Variants in ATXN7 observed in about 807,000 individuals in gnomAD.
ATXN7 encodes ataxin 7.
A neutral mutation model predicts 70.5 loss-of-function variants in ATXN7; 12 were observed. The ratio of observed to expected loss-of-function variants is 0.17; its 90% CI spans 0.11 to 0.28. ATXN7 has a LOEUF of 0.28. Among genes scored for constraint, ATXN7 ranks in the 10% least tolerant of loss-of-function variants. The pLI is 1.00. For synonymous variants in ATXN7, 498 were observed against 448.7 expected (o/e 1.11, Z -1.39); for missense variants, 1,256 against 1,131.7 (o/e 1.11, Z -1.58).
rs190777143 is a variant in ATXN7, at chr3:63,902,574, G to A, written c.-12+4077G>A. Among the ~76,000 whole-genome samples the A allele has an allele frequency of 3.3e-4, 50 of 152,226 alleles. 1 individual carries two copies. In the Middle Eastern group the frequency reaches 0.01, roughly 31 times the overall value. On this transcript the variant is annotated intron_variant, in intron 2 of 12. Transcript: ENST00000674280. ...GAGTGGAGTCTTTGTAAGGGGGAGC[G>A]GTGGATGCTAAGGGTGGGAAAAGGT...
intron 4 of ATXN7, among the ~76,000 whole-genome samples, chr3:63,924,131 T>C (rs1469531674): frequency 6.6e-6 from 1 of 152,154 alleles, no homozygotes; most frequent in Admixed American, 6.5e-5. Flanking sequence ...GGAGTTTACA[T>C]GATTTGATGA....
intron 4 of ATXN7, among the ~76,000 whole-genome samples, chr3:63,918,034 AG>A (rs751133249): frequency 2.0e-5 from 3 of 152,212 alleles, no homozygotes; most frequent in Non-Finnish European, 4.4e-5. Flanking sequence ...TTTGATATTT[AG>A]GCAAAGAAGT....
intron 6 of ATXN7, 59 bp downstream of exon 6, chr3:63,980,226 T>C: frequency 2.5e-6 from 4 of 1,590,570 alleles, no homozygotes; most frequent in Non-Finnish European, 3.4e-6. Flanking sequence ...CTGTGTACAC[T>C]AGTGGCATGT....
chr3:63,887,884 T>C (rs1486372832), intron 1 of ATXN7, among the ~76,000 whole-genome samples: 3 of 151,004 alleles, frequency 2.0e-5, no homozygotes, highest in East Asian at 1.9e-4. Context: ...CTGTCTTCTT[T>C]TTTTTTTTTT....
chr3:63,884,050 G>A (rs1702997454), intron 1 of ATXN7, among the ~76,000 whole-genome samples: 1 of 152,060 alleles, frequency 6.6e-6, no homozygotes, highest in African/African-American at 2.4e-5. Flanking sequence ...AGTTCATGTA[G>A]AAATTTTAAA....
chr3:63,885,311 C>T (rs938051688), intron 1 of ATXN7, among the ~76,000 whole-genome samples: 4 of 152,068 alleles, frequency 2.6e-5, no homozygotes, highest in African/African-American at 7.2e-5. Context: ...ATTGACAAGA[C>T]GTACAGATGG....
At chr3:63,966,920 C>T (rs903977422) in intron 5 of ATXN7, among the ~76,000 whole-genome samples, 2 of 152,176 alleles carry the variant, frequency 1.3e-5, no homozygotes, top group African/African-American at 4.8e-5. Flanking sequence ...ACTCAGATCA[C>T]TTGGCAGTTT....
chr3:63,999,775 C>G lies in ATXN7; in HGVS notation c.*308C>G. The G allele has an allele frequency of 3.6e-6, 2 of 550,952 alleles. No homozygotes were observed. The highest frequency in any genetic ancestry group is 6.5e-6 in the Non-Finnish European group (2 of 307,648). The allele number at this position is 550,952 out of a possible 1,614,324, so 34.1% of individuals were successfully genotyped here. A position where few individuals can be genotyped will look rare whatever the true frequency, so the allele number is the denominator to read the frequency against. ...TTTTTGTTTTTGTTTTGTTTTTTAA[C>G]TTGCAGTATATCACAGAGCCACTCT... On this transcript the variant is annotated 3_prime_UTR_variant, in exon 13 of 13. Transcript: ENST00000674280.
At chr3:63,863,566 C>T (rs1012201863), upstream of ATXN7, 1 of 1,196,740 alleles carries the variant, frequency 8.4e-7, no homozygotes, top group African/African-American at 1.6e-5. Context: ...CCGAGGGGCG[C>T]TCGGGCTCTG....
chr3:63,970,024 A>G (rs527497431), intron 5 of ATXN7, among the ~76,000 whole-genome samples: 1 of 152,292 alleles, frequency 6.6e-6, no homozygotes, highest in African/African-American at 2.4e-5. Context: ...TTATTGCTGT[A>G]CTCTGTCAGC....
chr3:63,979,777 A>C (rs2075455180), intron 5 of ATXN7, 138 bp from the exon 6 acceptor site: 4 of 1,171,060 alleles, frequency 3.4e-6, no homozygotes, highest in Non-Finnish European at 4.8e-6. Flanking sequence ...CCATTTCTGA[A>C]GTCTGCTGAG....
intron 1 of ATXN7, among the ~76,000 whole-genome samples, chr3:63,882,093 A>G (rs1702930363): frequency 6.6e-6 from 1 of 152,186 alleles, no homozygotes; most frequent in Non-Finnish European, 1.5e-5. Flanking sequence ...AAAAGGAACC[A>G]GCATTGTGAG....
intron 1 of ATXN7, among the ~76,000 whole-genome samples, chr3:63,891,696 T>C (rs1428360277): frequency 1.3e-5 from 2 of 152,190 alleles, no homozygotes; most frequent in African/African-American, 4.8e-5. Context: ...TTGGGAAATT[T>C]AGGCAAACTA....
Position 63,932,198 on chromosome 3 carries a change from A to T in ATXN7, c.394+18973A>T, listed in dbSNP as rs556230017. On this transcript the variant is annotated intron_variant, in intron 4 of 12. Coordinates refer to ENST00000674280, the MANE Select transcript of ATXN7 (RefSeq NM_001377405.1). ...TTCCCATATTCAAGGTAATTAAAAA[A>T]TTTTTTAATTTGGTTTCTAAATGTT... Among the ~76,000 whole-genome samples, 97 of 152,278 alleles carry T rather than the reference A, an allele frequency of 6.4e-4. 1 individual carries two copies. The highest frequency in any genetic ancestry group is 2.1e-3 in the African/African-American group (89 of 41,560).
chr3:63,995,443 A>T, intron 11 of ATXN7, 62 bp from the exon 12 acceptor site: 1 of 1,577,196 alleles, frequency 6.3e-7, no homozygotes, highest in Admixed American at 1.7e-5. Context: ...GGGTGGTGCC[A>T]TCTGAAAGTC....
At chr3:63,962,371 A>G (rs1403113438) in intron 5 of ATXN7, among the ~76,000 whole-genome samples, 1 of 151,716 alleles carries the variant, frequency 6.6e-6, no homozygotes, top group Admixed American at 6.6e-5. Context: ...GTTGCCTCTT[A>G]TGCTTGATAT....
At chr3:63,920,619 TC>T (rs1704473546) in intron 4 of ATXN7, among the ~76,000 whole-genome samples, 1 of 152,238 alleles carries the variant, frequency 6.6e-6, no homozygotes, top group African/African-American at 2.4e-5. Flanking sequence ...CAGAGCCTTT[TC>T]TTGCTGTGCC....
At chr3:63,973,266 T>C (rs980562740) in intron 5 of ATXN7, among the ~76,000 whole-genome samples, 3 of 152,130 alleles carry the variant, frequency 2.0e-5, no homozygotes, top group African/African-American at 4.8e-5. Context: ...CCCATACATA[T>C]CAAGACTGTG....
At chr3:63,870,180 T>C (rs1702554862) in intron 1 of ATXN7, among the ~76,000 whole-genome samples, 2 of 152,206 alleles carry the variant, frequency 1.3e-5, no homozygotes, top group South Asian at 2.1e-4. Context: ...TTCCAAGAAA[T>C]GTTGATGAAC....
Sources: allele counts gnomAD v4.1 joint callset (sites outside exome capture counted in the v4.1 genomes callset), GRCh38; gene constraint gnomAD v4.1.1; transcripts MANE v1.5; gene names NCBI Gene and HGNC (gene_info 2026-07-23, HGNC 2026-07-21).